ITSN1: variants seen among roughly 807,000 people sequenced by gnomAD.
ITSN1 encodes the protein intersectin 1.
Under a neutral mutation model 239.8 loss-of-function variants are expected in ITSN1, and 58 were observed. The observed-to-expected ratio is 0.24, with a 90% confidence interval of 0.20 to 0.30. The LOEUF is 0.30. Ranked by LOEUF, ITSN1 falls within the 10% of genes least tolerant of loss-of-function variation. The probability of loss-of-function intolerance (pLI) is 1.00; values close to 1 mark genes in which losing one functional copy is unlikely to be tolerated. For missense variants in ITSN1, 1,558 were observed against 2,103.3 expected, an observed-to-expected ratio of 0.74 and a Z score of 5.07; for synonymous variants, 780 against 770.8, an observed-to-expected ratio of 1.01 and a Z score of -0.20.
chr21:33,794,964 T>C (rs1383126035), intron 17 of ITSN1, among the ~76,000 whole-genome samples: 1 of 152,256 alleles, frequency 6.6e-6, no homozygotes, highest in African/African-American at 2.4e-5. Context: ...TGTTTTTATC[T>C]GTTTTTGTTT....
intron 1 of ITSN1, among the ~76,000 whole-genome samples, chr21:33,672,505 G>C (rs142265401): frequency 6.6e-6 from 1 of 152,154 alleles, no homozygotes; most frequent in South Asian, 2.1e-4. Context: ...TGAAGAAAAG[G>C]GAACGCTTGT....
intron 12 of ITSN1, among the ~76,000 whole-genome samples, chr21:33,772,713 G>C (rs73352122): frequency 0.022 from 3,364 of 152,206 alleles, 75 homozygotes; most frequent in African/African-American, 0.062. Context: ...GTTTATGGCT[G>C]AGTAATATTT....
rs374476036 is a variant in ITSN1, at chr21:33,700,067, G to GTT, written c.-32-18721_-32-18720dup. ...GTGAGCCACCTGCCCTGCTTGAATT[G>GTT]TTTTTTTTTTGTTGTTGTTTTGTTT... On this transcript the variant is annotated intron_variant, in intron 1 of 39. Coordinates refer to ENST00000381318, the MANE Select transcript of ITSN1 (RefSeq NM_003024.3). Among the ~76,000 whole-genome samples, 562 of 141,860 alleles carry GTT rather than the reference G, an allele frequency of 4.0e-3. 3 individuals carry two copies. The highest frequency in any genetic ancestry group is 0.015 in the African/African-American group (534 of 36,592). The allele number at this position is 141,860 out of a possible 152,430, so 93.1% of individuals were successfully genotyped here. A position where few individuals can be genotyped will look rare whatever the true frequency, so the allele number is the denominator to read the frequency against.
At chr21:33,848,960 G>T (rs2075070390) in intron 29 of ITSN1, among the ~76,000 whole-genome samples, 1 of 152,234 alleles carries the variant, frequency 6.6e-6, no homozygotes. Context: ...CTAGTATTTG[G>T]CCGAGTGTGG....
intron 9 of ITSN1, among the ~76,000 whole-genome samples, chr21:33,765,054 T>C (rs2068623677): frequency 6.6e-6 from 1 of 152,262 alleles, no homozygotes; most frequent in African/African-American, 2.4e-5. Context: ...AAAGTTTTTA[T>C]CGTACAAATA....
intron 1 of ITSN1, among the ~76,000 whole-genome samples, chr21:33,684,620 C>T (rs954761230): frequency 6.6e-6 from 1 of 151,870 alleles, no homozygotes; most frequent in African/African-American, 2.4e-5. Context: ...GAAAGAGGGT[C>T]TCTTATTAGG....
intron 9 of ITSN1, among the ~76,000 whole-genome samples, chr21:33,763,735 C>T (rs184010412): frequency 2.6e-5 from 4 of 152,110 alleles, no homozygotes; most frequent in Admixed American, 2.0e-4. Context: ...GAATAGCTAT[C>T]GATGAGCATT....
Position 33,725,198 on chromosome 21 carries a change from C to T in ITSN1, c.185+2547C>T, listed in dbSNP as rs565519927. Among the ~76,000 whole-genome samples the T allele has an allele frequency of 3.4e-3, 450 of 131,212 alleles. 2 individuals carry two copies. The highest frequency in any genetic ancestry group is 5.8e-3 in the Middle Eastern group (1 of 172). The allele number at this position is 131,212 out of a possible 152,430, so 86.1% of individuals were successfully genotyped here. A position where few individuals can be genotyped will look rare whatever the true frequency, so the allele number is the denominator to read the frequency against. On this transcript the variant is annotated intron_variant, in intron 4 of 39. Transcript: ENST00000381318. The stretch of plus-strand genomic sequence containing the variant: ...TTGTCCAGGCTGGATTGCAATGGCA[C>T]GATCTTAGCTCACTGCAACCTCTGC...
intron 5 of ITSN1, 36 bp from the exon 6 acceptor site, chr21:33,750,107 G>A (rs970772337): frequency 6.3e-7 from 1 of 1,592,318 alleles, no homozygotes; most frequent in Non-Finnish European, 8.6e-7. Flanking sequence ...AAATGTGATT[G>A]GATGTGAATG....
chr21:33,798,419 A>T lies in ITSN1; in HGVS notation c.2182+811A>T, dbSNP rs541966658. 6.6e-4 allele frequency among the ~76,000 whole-genome samples: 98 copies of T among 148,440 alleles called. 1 individual carries two copies. Among genetic ancestry groups the T allele is most frequent in the East Asian group, 3.1e-3 (16 of 5,182 alleles). ...CTAGCCTAATTTGCCTTTTTTTTTT[A>T]AAAAAGGGATAAATGAAAGACTGAA... On this transcript the variant is annotated intron_variant, in intron 18 of 39. Transcript: ENST00000381318.
chr21:33,888,987 C>G lies in ITSN1; in HGVS notation c.*687C>G, dbSNP rs7275651. On this transcript the variant is annotated 3_prime_UTR_variant, in exon 40 of 40. Transcript: ENST00000381318. ...ATGAAAACACACTGGTGTATTGTTG[C>G]GTGGATTCAGTTCTGATTCCCAGCA... 6.6e-6 allele frequency: 1 copy of G among 152,088 alleles called. No homozygotes were observed. Among genetic ancestry groups the G allele is most frequent in the Non-Finnish European group, 1.5e-5 (1 of 68,028 alleles). The allele number at this position is 152,088 out of a possible 1,614,324, so 9.4% of individuals were successfully genotyped here. A position where few individuals can be genotyped will look rare whatever the true frequency, so the allele number is the denominator to read the frequency against.
At chr21:33,740,922 G>C (rs1169238845) in intron 5 of ITSN1, among the ~76,000 whole-genome samples, 2 of 152,266 alleles carry the variant, frequency 1.3e-5, no homozygotes, top group South Asian at 4.1e-4. Context: ...TAAGTAGATA[G>C]ATAGATAGAT....
chr21:33,898,014 C>A lies in ITSN1; in HGVS notation c.*9714C>A, dbSNP rs939638024. The A allele has an allele frequency of 3.3e-5, 5 of 152,114 alleles. No individual in the cohort carries two copies. Among genetic ancestry groups the A allele is most frequent in the African/African-American group, 1.2e-4 (5 of 41,406 alleles). 9.4% of individuals were successfully genotyped at this position (152,114 alleles called of 1,614,324 possible). A position where few individuals can be genotyped will look rare whatever the true frequency, so the allele number is the denominator to read the frequency against. The stretch of plus-strand genomic sequence containing the variant: ...GACCTCGCATGGGACCTTGGTGTTG[C>A]ATTAAAAATGGATTTTTGCAGATCA... On this transcript the variant is annotated 3_prime_UTR_variant, in exon 40 of 40. Coordinates refer to ENST00000381318, the MANE Select transcript of ITSN1 (RefSeq NM_003024.3).
intron 27 of ITSN1, among the ~76,000 whole-genome samples, chr21:33,830,606 C>T (rs962041268): frequency 6.6e-5 from 10 of 151,990 alleles, no homozygotes; most frequent in South Asian, 2.1e-4. Context: ...GCTAAAGAGG[C>T]GTGAGGACTG....
intron 29 of ITSN1, among the ~76,000 whole-genome samples, chr21:33,838,927 T>C (rs1033408552): frequency 1.3e-5 from 2 of 152,200 alleles, no homozygotes; most frequent in African/African-American, 4.8e-5. Flanking sequence ...CCCCACGTTG[T>C]CTGGGATCGG....
chr21:33,834,748 G>T (rs770420547), intron 28 of ITSN1, among the ~76,000 whole-genome samples: 14 of 151,994 alleles, frequency 9.2e-5, no homozygotes, highest in Non-Finnish European at 1.3e-4. Context: ...AGGCTAGGGG[G>T]TGAGGTGACA....
intron 22 of ITSN1, chr21:33,818,015 A>G (rs1217792529): frequency 3.9e-6 from 2 of 506,836 alleles, no homozygotes; most frequent in Non-Finnish European, 6.9e-6. Flanking sequence ...GGCTTTTTGA[A>G]ATAGAGAGTT....
In ITSN1 at chr21:33,889,005, T is replaced by G. The variant is rs1986166492; in HGVS notation, c.*705T>G. On this transcript the variant is annotated 3_prime_UTR_variant, in exon 40 of 40. Coordinates refer to ENST00000381318, the MANE Select transcript of ITSN1 (RefSeq NM_003024.3). ...ATTGTTGCGTGGATTCAGTTCTGAT[T>G]CCCAGCATGCTTAGAATATGGTCAC... 6.6e-6 allele frequency: 1 copy of G among 152,130 alleles called. No individual in the cohort carries two copies. Among genetic ancestry groups the G allele is most frequent in the African/African-American group, 2.4e-5 (1 of 41,414 alleles). 9.4% of individuals were successfully genotyped at this position (152,130 alleles called of 1,614,324 possible).
Position 33,816,428 on chromosome 21 carries a change from A to G in ITSN1, c.2728-1839A>G, listed in dbSNP as rs565343297. ...ATTACCATGGGATTGCTAAACTTTA[A>G]TAGCCTTTTGGAGAAAGTATCATCT... On this transcript the variant is annotated intron_variant, in intron 22 of 39. Transcript: ENST00000381318. 3.0e-4 allele frequency among the ~76,000 whole-genome samples: 45 copies of G among 152,312 alleles called. 1 individual carries two copies. In the South Asian group the frequency reaches 8.5e-3, roughly 29 times the overall value.
Sources: allele counts gnomAD v4.1 joint callset (sites outside exome capture counted in the v4.1 genomes callset), GRCh38; gene constraint gnomAD v4.1.1; transcripts MANE v1.5; gene names NCBI Gene and HGNC (gene_info 2026-07-23, HGNC 2026-07-21).